The following ANKLE2 variants were observed in gnomAD, a reference collection of about 807,000 sequenced individuals.
ANKLE2 encodes the protein ankyrin repeat and LEM domain-containing protein 2.
In ANKLE2, 55 loss-of-function variants were observed where a neutral mutation model predicts 84.2. That is an observed-to-expected ratio of 0.65 (90% CI 0.53 to 0.82). The LOEUF (loss-of-function observed/expected upper bound fraction) is 0.82, where lower values mean the gene tolerates loss of function less well. Ranked by LOEUF, ANKLE2 falls within the 40% of genes least tolerant of loss-of-function variation. The pLI is 0.00. For synonymous variants in ANKLE2, 551 were observed against 486.1 expected (o/e 1.13, Z -1.76); for missense variants, 1,238 against 1,201.9 (o/e 1.03, Z -0.44).
intron 1 of ANKLE2, 25 bp downstream of exon 1, chr12:132,761,593 G>T (rs950140288): frequency 1.6e-6 from 2 of 1,217,588 alleles, no homozygotes; most frequent in South Asian, 3.8e-5. Flanking sequence ...AGGGTGCGGG[G>T]ACCCAGCGAC....
At chr12:132,746,037 G>A (rs2044230366) in intron 5 of ANKLE2, among the ~76,000 whole-genome samples, 1 of 152,184 alleles carries the variant, frequency 6.6e-6, no homozygotes, top group Admixed American at 6.5e-5. Context: ...CTGAGCCAAA[G>A]CCCAGGCTCC....
Position 132,747,981 on chromosome 12 carries a change from C to T in ANKLE2, c.1081G>A (p.Glu361Lys). The T allele has an allele frequency of 6.3e-7, 1 of 1,597,474 alleles. No homozygotes were observed. Among genetic ancestry groups the T allele is most frequent in the Non-Finnish European group, 8.5e-7 (1 of 1,175,718 alleles). The change falls in exon 5 of 13, where the codon GAG (glutamate) becomes AAG (lysine). Residue 361 changes from glutamate (E) to lysine (K), a missense_variant. This residue lies in a region of ANKLE2 where 802 missense variants were observed against 774.5 expected (regional missense o/e 1.04). Transcript: ENST00000357997. The part of the protein sequence containing the change: ...RYNVMHVAAK[E>K]NQASICQLTL... ...AGCTGGCAGATGGAAGCCTGGTTCT[C>T]TTTGGCAGCAACATGCATCACGTTG...
intron 2 of ANKLE2, among the ~76,000 whole-genome samples, chr12:132,753,946 T>C (rs2044418320): frequency 6.6e-6 from 1 of 151,696 alleles, no homozygotes; most frequent in African/African-American, 2.4e-5. Context: ...AATGAATAAA[T>C]TAAAAAAATA....
intron 2 of ANKLE2, chr12:132,751,458 C>G (rs991777203): frequency 2.0e-5 from 3 of 152,186 alleles, no homozygotes; most frequent in African/African-American, 7.3e-5. Context: ...CCAGGCTGGT[C>G]TCAAACTCCT....
chr12:132,734,485 T>G lies in ANKLE2; in HGVS notation c.1791A>C (p.Gln597His). The G allele has an allele frequency of 6.2e-7, 1 of 1,614,100 alleles. No homozygotes were observed. The stretch of plus-strand genomic sequence containing the variant: ...GCTGTGTGAGATATTCTTCTAGTCT[T>G]TGCAGGCCTTCCTGGGAAGACAGAT... ...FVDLSSQEGL[Q>H]RLEEYLTQQE... The change falls in exon 10 of 13, where the codon CAA (glutamine) becomes CAC (histidine). Residue 597 changes from glutamine (Q) to histidine (H), a missense_variant. Coordinates refer to ENST00000357997, the MANE Select transcript of ANKLE2 (RefSeq NM_015114.3).
chr12:132,759,584 C>G (rs919319821), intron 1 of ANKLE2: 1 of 152,024 alleles, frequency 6.6e-6, no homozygotes, highest in East Asian at 1.9e-4. Context: ...TATTATACAT[C>G]ATATATAAAA....
chr12:132,749,162 ATT>A (rs1157215776), intron 3 of ANKLE2: 1 of 151,396 alleles, frequency 6.6e-6, no homozygotes, highest in African/African-American at 2.4e-5. Flanking sequence ...CGCCCAGCTG[ATT>A]TTTTTGGGGG....
intron 1 of ANKLE2, chr12:132,759,612 A>T (rs1380825264): frequency 6.6e-5 from 10 of 151,330 alleles, no homozygotes; most frequent in African/African-American, 2.4e-4. Flanking sequence ...TTTATATAAA[A>T]TAAATCAGTA....
In ANKLE2 at chr12:132,729,870, A is replaced by G. The variant is rs778331687; in HGVS notation, c.2292T>C (p.Thr764=). 1.9e-5 allele frequency: 30 copies of G among 1,613,488 alleles called. No homozygotes were observed. In the South Asian group the frequency reaches 3.0e-4, roughly 16 times the overall value. The change falls in exon 11 of 13, where the codon ACT becomes ACC. Residue 764 remains threonine (T), a synonymous_variant. Transcript: ENST00000357997. ...ESTKTKDQIL[T]SRINAVERDL... ...CTCTTTCTACTGCATTGATTCTTGA[A>G]GTCAGGATCTGATCTTTAGTTTTTG...
At chr12:132,757,041 T>C (rs530500361) in intron 1 of ANKLE2, 23 of 152,258 alleles carry the variant, frequency 1.5e-4, no homozygotes, top group African/African-American at 5.3e-4. Flanking sequence ...CACCTAACTG[T>C]ATTACAAGTG....
chr12:132,761,528 A>G, intron 1 of ANKLE2, 90 bp downstream of exon 1: 1 of 1,075,846 alleles, frequency 9.3e-7, no homozygotes, highest in Non-Finnish European at 1.2e-6. Context: ...TGCCGGCTCC[A>G]GGGGCGCGGC....
At position 132,725,718 on chromosome 12, in the gene ANKLE2, C is replaced by T. The variant is rs956450685; in HGVS notation, c.*1524G>A. The T allele has an allele frequency of 6.6e-6, 1 of 152,172 alleles. No individual in the cohort carries two copies. Among genetic ancestry groups the T allele is most frequent in the African/African-American group, 2.4e-5 (1 of 41,432 alleles). 9.4% of individuals were successfully genotyped at this position (152,172 alleles called of 1,614,324 possible). Reference sequence around the variant, plus strand: ...ATTTGAATTTACAACCATATACAGACAATATGGTAAGATTTTAGAGAAAAC... The same window carrying T: ...ATTTGAATTTACAACCATATACAGATAATATGGTAAGATTTTAGAGAAAAC... On this transcript the variant is annotated 3_prime_UTR_variant, in exon 13 of 13. Transcript: ENST00000357997.
At position 132,730,119 on chromosome 12, in the gene ANKLE2, C is replaced by T. The variant is rs1346347890; in HGVS notation, c.2043G>A (p.Gln681=). The T allele has an allele frequency of 6.2e-7, 1 of 1,612,570 alleles. No homozygotes were observed. The highest frequency in any genetic ancestry group is 8.5e-7 in the Non-Finnish European group (1 of 1,179,744). The change falls in exon 11 of 13, where the codon CAG becomes CAA. Residue 681 remains glutamine, a synonymous_variant. Transcript: ENST00000357997. ...CGGCGGCTTCTATGAGGTCTGCCTC[C>T]TGCTCCAAGGGGAAGGCGCTGCACC... The part of the protein sequence containing the change: ...HTRCSAFPLE[Q]EADLIEAAEP...
intron 3 of ANKLE2, 77 bp downstream of exon 3, chr12:132,750,566 T>C: frequency 6.6e-7 from 1 of 1,514,890 alleles, no homozygotes; most frequent in African/African-American, 1.4e-5. Flanking sequence ...AGTTACCACA[T>C]CAGAGGAAAG....
chr12:132,754,887 C>G lies in ANKLE2; in HGVS notation c.428G>C (p.Gly143Ala). The change falls in exon 2 of 13, where the codon GGG (glycine) becomes GCG (alanine). Residue 143 changes from glycine (G) to alanine (A), a missense_variant. Gly to Ala is a moderately conservative substitution (Grantham distance 60). This residue lies in a region of ANKLE2 where 422 missense variants were observed against 394.5 expected (regional missense o/e 1.07). Coordinates refer to ENST00000357997, the MANE Select transcript of ANKLE2 (RefSeq NM_015114.3). Reference protein sequence around the residue: ...DPQRILKPAEGNPTDQAGFSE... With the variant: ...DPQRILKPAEANPTDQAGFSE... Reference sequence around the variant, plus strand: ...AAAACCAGCCTGATCAGTTGGGTTCCCTTCAGCTGGCTTCAAAATCCTTTG... The same window carrying G: ...AAAACCAGCCTGATCAGTTGGGTTCGCTTCAGCTGGCTTCAAAATCCTTTG... The G allele has an allele frequency of 6.2e-7, 1 of 1,614,190 alleles. No homozygotes were observed. The highest frequency in any genetic ancestry group is 8.5e-7 in the Non-Finnish European group (1 of 1,180,034).
intron 6 of ANKLE2, 139 bp from the exon 7 acceptor site, chr12:132,741,624 C>T: frequency 2.4e-6 from 2 of 835,458 alleles, no homozygotes; most frequent in Admixed American, 4.5e-5. Context: ...AGCTCACACT[C>T]AGAAAACGTG....
intron 2 of ANKLE2, among the ~76,000 whole-genome samples, chr12:132,753,291 C>T (rs901925494): frequency 6.6e-6 from 1 of 151,842 alleles, no homozygotes; most frequent in African/African-American, 2.4e-5. Context: ...TCACTACACC[C>T]CAACCTGGGT....
At chr12:132,737,114 G>C in intron 7 of ANKLE2, 49 bp from the exon 8 acceptor site, 6 of 1,538,202 alleles carry the variant, frequency 3.9e-6, no homozygotes, top group Non-Finnish European at 5.3e-6. Context: ...CCCTCCGCAG[G>C]TCAGGCCTGG....
In ANKLE2 at chr12:132,758,418, C is replaced by T. The variant is rs896536744; in HGVS notation, c.181+3200G>A. The T allele has an allele frequency of 9.9e-5, 15 of 152,182 alleles. 1 individual carries two copies. The highest frequency in any genetic ancestry group is 1.3e-4 in the Admixed American group (2 of 15,260). 9.4% of individuals were successfully genotyped at this position (152,182 alleles called of 1,614,324 possible). On this transcript the variant is annotated intron_variant, in intron 1 of 12. Transcript: ENST00000357997. ...AAAAAAAGAATAAACCCGCGGACGTCGCATTGAAATTGGAAGTATCAGTAT... is the reference window on the plus strand; with the variant it reads ...AAAAAAAGAATAAACCCGCGGACGTTGCATTGAAATTGGAAGTATCAGTAT...
Sources: gnomAD v4.1 joint callset for allele counts (sites outside exome capture counted in the v4.1 genomes callset) on GRCh38, gnomAD v4.1.1 for gene constraint, gnomAD v4.1.1 regional missense constraint, MANE v1.5 for transcripts, NCBI Gene and HGNC (gene_info 2026-07-23, HGNC 2026-07-21) for gene names.